Variants in PPAT observed in about 807,000 individuals in gnomAD.
The protein encoded by PPAT is phosphoribosyl pyrophosphate amidotransferase, also known as amidophosphoribosyltransferase.
Under a neutral mutation model 60.2 loss-of-function variants are expected in PPAT, and 20 were observed. The ratio of observed to expected loss-of-function variants is 0.33; its 90% confidence interval spans 0.23 to 0.48. The LOEUF is 0.48. Ranked by LOEUF, PPAT falls within the 20% of genes least tolerant of loss-of-function variation. The pLI is 0.99. For missense variants in PPAT, 349 were observed against 629.6 expected, an observed-to-expected ratio of 0.55 and a Z score of 4.77; for synonymous variants, 194 against 215.1, an observed-to-expected ratio of 0.90 and a Z score of 0.86.
intron 1 of PPAT, among the ~76,000 whole-genome samples, chr4:56,434,345 G>C (rs2110073201): frequency 6.6e-6 from 1 of 152,302 alleles, no homozygotes; most frequent in Admixed American, 6.5e-5. Context: ...CCATTTTGCT[G>C]TTACGTGTTA....
At chr4:56,431,475 T>C (rs2110069366) in intron 1 of PPAT, 2 of 977,292 alleles carry the variant, frequency 2.0e-6, no homozygotes, top group East Asian at 1.1e-4. Context: ...ACAAATCAGT[T>C]TCCTCAAAGC....
At chr4:56,411,636 T>C (rs777720394) in intron 1 of PPAT, among the ~76,000 whole-genome samples, 3 of 152,350 alleles carry the variant, frequency 2.0e-5, no homozygotes, top group Admixed American at 6.5e-5. Flanking sequence ...CTAAATCTTA[T>C]AGATGCTATT....
At chr4:56,400,679 C>A in intron 8 of PPAT, 105 bp downstream of exon 8, 1 of 1,238,144 alleles carries the variant, frequency 8.1e-7, no homozygotes, top group Non-Finnish European at 1.1e-6. Context: ...ACCACCAAAG[C>A]TTCCTTTCTC....
chr4:56,405,740 T>G (rs1174356381), intron 3 of PPAT, among the ~76,000 whole-genome samples: 2 of 152,262 alleles, frequency 1.3e-5, no homozygotes, highest in Non-Finnish European at 2.9e-5. Context: ...CTTTTCCATC[T>G]TTTCACCAGA....
chr4:56,427,070 G>C (rs1717327038), intron 1 of PPAT, among the ~76,000 whole-genome samples: 1 of 152,164 alleles, frequency 6.6e-6, no homozygotes, highest in Non-Finnish European at 1.5e-5. Context: ...GCATTTATCA[G>C]AATTTCCTTC....
chr4:56,414,782 G>T (rs979198471), intron 1 of PPAT, among the ~76,000 whole-genome samples: 1 of 152,178 alleles, frequency 6.6e-6, no homozygotes. Flanking sequence ...AAGCTCAGGT[G>T]TTAAATAACC....
chr4:56,410,124 G>A (rs1173663788), intron 1 of PPAT, among the ~76,000 whole-genome samples: 9 of 152,226 alleles, frequency 5.9e-5, no homozygotes, highest in East Asian at 1.9e-4. Context: ...TCATGTCAGA[G>A]GAAATATATT....
intron 1 of PPAT, among the ~76,000 whole-genome samples, chr4:56,411,276 CTGA>C (rs1380562824): frequency 1.3e-5 from 2 of 152,184 alleles, no homozygotes; most frequent in Non-Finnish European, 2.9e-5. Context: ...CATTGCTCAA[CTGA>C]TGTTTTTCCA....
In PPAT at chr4:56,400,879, CACAACG is replaced by C; in HGVS notation, c.913_918del (p.Arg305_Cys306del). The C allele has an allele frequency of 1.9e-6, 3 of 1,612,956 alleles. No individual in the cohort carries two copies. The highest frequency in any genetic ancestry group is 1.7e-6 in the Non-Finnish European group (2 of 1,178,974). ...GGTGCTTCAATCGCTAGCTGCTGGC[CACAACG>C]GTATCTTACTGTATAAACCATTTGG... On this transcript the variant is annotated inframe_deletion, in exon 8 of 11. Coordinates refer to ENST00000264220, the MANE Select transcript of PPAT (RefSeq NM_002703.5).
In PPAT at chr4:56,406,502, C is replaced by T. The variant is rs1716245213; in HGVS notation, c.395G>A (p.Arg132Lys). ...NGELVNAARL[R>K]KKLLRHGIGL... is the part of the protein sequence containing the mutation. The stretch of plus-strand genomic sequence containing the variant: ...ACAAACAAACAAACGTACCTTTTTC[C>T]TTAATCGAGCAGCATTTACCAATTC... Residue 132 changes from arginine (R) to lysine (K), a missense_variant, in exon 3 of 11, where the codon AGG becomes AAG. Arg to Lys is a conservative substitution (Grantham distance 26). This residue lies in a region of PPAT where 115 missense variants were observed against 174.5 expected (regional missense o/e 0.66). Coordinates refer to ENST00000264220, the MANE Select transcript of PPAT (RefSeq NM_002703.5). The T allele has an allele frequency of 1.2e-6, 2 of 1,611,266 alleles. No homozygotes were observed. The highest frequency in any genetic ancestry group is 8.5e-7 in the Non-Finnish European group (1 of 1,179,198).
At chr4:56,423,123 A>T (rs1474653709) in intron 1 of PPAT, 3 of 152,242 alleles carry the variant, frequency 2.0e-5, no homozygotes, top group Admixed American at 6.5e-5. Flanking sequence ...AAGCTGAAGT[A>T]TATCTGTTAA....
chr4:56,399,434 T>C, intron 8 of PPAT, 34 bp from the exon 9 acceptor site: 1 of 1,514,814 alleles, frequency 6.6e-7, no homozygotes, highest in South Asian at 1.1e-5. Flanking sequence ...TAATGAGGAG[T>C]AATATACAGA....
chr4:56,407,674 C>A lies in PPAT; in HGVS notation c.171G>T (p.Ser57=). 3.7e-6 allele frequency: 6 copies of A among 1,603,602 alleles called. No homozygotes were observed. Among genetic ancestry groups the A allele is most frequent in the Non-Finnish European group, 3.4e-6 (4 of 1,170,480 alleles). The change falls in exon 2 of 11, where the codon TCG becomes TCT. Residue 57 remains serine, a synonymous_variant. Coordinates refer to ENST00000264220, the MANE Select transcript of PPAT (RefSeq NM_002703.5). ...SAGIVTSDGS[S]VPTFKSHKGM... ...CCTTGTGTGATTTGAATGTTGGCAC[C>A]GAACTCCCATCACTAGTCACAATAC... is the stretch of plus-strand genomic sequence containing the variant.
intron 2 of PPAT, among the ~76,000 whole-genome samples, 187 bp from the exon 3 acceptor site, chr4:56,406,888 T>A (rs903679430): frequency 6.6e-6 from 1 of 152,208 alleles, no homozygotes; most frequent in Admixed American, 6.6e-5. Flanking sequence ...GTGAAGCACT[T>A]ACTTAAAAAA....
At chr4:56,407,544 C>T in intron 2 of PPAT, 106 bp downstream of exon 2, 1 of 859,296 alleles carries the variant, frequency 1.2e-6, no homozygotes, top group Non-Finnish European at 1.9e-6. Context: ...TCTTGAACTC[C>T]CGACCTCAGG....
intron 1 of PPAT, among the ~76,000 whole-genome samples, chr4:56,427,929 G>C (rs1440651796): frequency 2.6e-5 from 4 of 152,148 alleles, no homozygotes; most frequent in African/African-American, 9.7e-5. Context: ...ATACAGTAGA[G>C]AAAGAAGGAA....
chr4:56,412,742 T>C (rs1716524523), intron 1 of PPAT, among the ~76,000 whole-genome samples: 1 of 152,236 alleles, frequency 6.6e-6, no homozygotes, highest in Non-Finnish European at 1.5e-5. Flanking sequence ...TTCTCTCTGC[T>C]CTATTCTCAT....
At position 56,394,320 on chromosome 4, in the gene PPAT, G is replaced by C. The variant is rs1715908517; in HGVS notation, c.*1032C>G. On this transcript the variant is annotated 3_prime_UTR_variant, in exon 11 of 11. Transcript: ENST00000264220. ...AACAAAACTGGCCCCTATTGTGTCT[G>C]TACTTGATCACTTAATTGCAATAAT... 5 of 152,070 alleles carry C rather than the reference G, an allele frequency of 3.3e-5. No individual in the cohort carries two copies. In the South Asian group the frequency reaches 1.0e-3, roughly 32 times the overall value. 9.4% of individuals were successfully genotyped at this position (152,070 alleles called of 1,614,324 possible). A position where few individuals can be genotyped will look rare whatever the true frequency, so the allele number is the denominator to read the frequency against.
In PPAT at chr4:56,402,279, CAT is replaced by C. The variant is rs1021020534; in HGVS notation, c.662-100_662-99del. ...ACTAAATAAATAAGTAAATAAAACT[CAT>C]AGAATAGCCATTTCTATGACTTTAA... is the stretch of plus-strand genomic sequence containing the variant. On this transcript the variant is annotated intron_variant, in intron 5 of 10. Transcript: ENST00000264220. The C allele has an allele frequency of 2.5e-5, 20 of 795,240 alleles. No individual in the cohort carries two copies. In the Admixed American group the frequency reaches 3.3e-4, roughly 13 times the overall value. The allele number at this position is 795,240 out of a possible 1,614,324, so 49.3% of individuals were successfully genotyped here. A position where few individuals can be genotyped will look rare whatever the true frequency, so the allele number is the denominator to read the frequency against.
Sources: gnomAD v4.1 joint callset for allele counts (sites outside exome capture counted in the v4.1 genomes callset) on GRCh38, gnomAD v4.1.1 for gene constraint, gnomAD v4.1.1 regional missense constraint, MANE v1.5 for transcripts, NCBI Gene and HGNC (gene_info 2026-07-23, HGNC 2026-07-21) for gene names.